The following REV3L variants were observed in gnomAD, a reference collection of about 807,000 sequenced individuals.
The protein encoded by REV3L is DNA polymerase zeta catalytic subunit.
REV3L carries 69 observed loss-of-function variants against 299.4 expected under a neutral mutation model. The observed-to-expected ratio is 0.23, with a 90% CI of 0.19 to 0.28. The LOEUF is 0.28. Ranked by LOEUF, REV3L falls within the 10% of genes least tolerant of loss-of-function variation. The probability of loss-of-function intolerance (pLI) is 1.00; values close to 1 mark genes in which losing one functional copy is unlikely to be tolerated. For synonymous variants in REV3L, 1,238 were observed against 1,271.4 expected (o/e 0.97, Z 0.56); for missense variants, 3,128 against 3,693.8 (o/e 0.85, Z 3.97).
At chr6:111,357,565 C>A (rs1374428294) in intron 17 of REV3L, among the ~76,000 whole-genome samples, 1 of 152,000 alleles carries the variant, frequency 6.6e-6, no homozygotes, top group Non-Finnish European at 1.5e-5. Context: ...TGGTGGCGGG[C>A]ACCTGTAGTC....
intron 11 of REV3L, among the ~76,000 whole-genome samples, chr6:111,379,194 C>CA (rs1780589911): frequency 1.3e-5 from 2 of 152,174 alleles, no homozygotes; most frequent in African/African-American, 2.4e-5. Context: ...TTTAACATCA[C>CA]ATCTGGAGAT....
intron 1 of REV3L, among the ~76,000 whole-genome samples, chr6:111,466,779 T>C (rs191115860): frequency 6.6e-6 from 1 of 152,158 alleles, no homozygotes; most frequent in African/African-American, 2.4e-5. Flanking sequence ...GAGATGGAGG[T>C]TGCAGTGAGC....
intron 31 of REV3L, among the ~76,000 whole-genome samples, chr6:111,305,466 A>T (rs979526901): frequency 6.6e-6 from 1 of 152,044 alleles, no homozygotes; most frequent in Non-Finnish European, 1.5e-5. Context: ...ATATGCCTGT[A>T]GTCCCAGCTA....
chr6:111,329,766 A>C, intron 24 of REV3L, 28 bp from the exon 25 acceptor site: 1 of 1,500,216 alleles, frequency 6.7e-7, no homozygotes, highest in Non-Finnish European at 9.2e-7. Flanking sequence ...AATGTTTAAA[A>C]CCCCTCAAAC....
intron 1 of REV3L, among the ~76,000 whole-genome samples, chr6:111,420,006 G>A (rs565584084): frequency 6.6e-6 from 1 of 152,008 alleles, no homozygotes; most frequent in Non-Finnish European, 1.5e-5. Context: ...CACCATGCCC[G>A]GCTAATTTTT....
At chr6:111,466,385 A>AT (rs996021125) in intron 1 of REV3L, among the ~76,000 whole-genome samples, 5 of 152,060 alleles carry the variant, frequency 3.3e-5, no homozygotes, top group African/African-American at 1.2e-4. Context: ...GACACATTAG[A>AT]TTTTTTTTAA....
intron 15 of REV3L, among the ~76,000 whole-genome samples, chr6:111,364,394 T>C (rs988965010): frequency 2.0e-5 from 3 of 152,086 alleles, no homozygotes; most frequent in Admixed American, 2.0e-4. Flanking sequence ...TACTCTAATA[T>C]AACATGTGTC....
chr6:111,307,943 AC>A (rs1315721277), intron 30 of REV3L: 13 of 240,314 alleles, frequency 5.4e-5, no homozygotes, highest in African/African-American at 2.7e-4. Context: ...CCAGCTCCCC[AC>A]CCCCCGACAG....
intron 21 of REV3L, among the ~76,000 whole-genome samples, chr6:111,337,506 A>G (rs1054721545): frequency 3.9e-5 from 6 of 152,168 alleles, no homozygotes; most frequent in Non-Finnish European, 8.8e-5. Flanking sequence ...TTTTAAAGCT[A>G]AGTCTTTATA....
chr6:111,430,623 G>T, intron 1 of REV3L: 10 of 1,526,422 alleles, frequency 6.6e-6, no homozygotes, highest in Non-Finnish European at 9.1e-6. Flanking sequence ...GCAGAGTGGG[G>T]AGGACAGAGG....
chr6:111,337,845 T>C (rs1451058031), intron 21 of REV3L, among the ~76,000 whole-genome samples: 2 of 152,078 alleles, frequency 1.3e-5, no homozygotes, highest in East Asian at 3.8e-4. Context: ...TAGAACAAAA[T>C]GGATTTAATG....
At chr6:111,314,960 C>T (rs1773365783) in intron 27 of REV3L, among the ~76,000 whole-genome samples, 1 of 151,392 alleles carries the variant, frequency 6.6e-6, no homozygotes, top group Non-Finnish European at 1.5e-5. Context: ...AAGTGGTCCT[C>T]CTACTTCAGC....
chr6:111,328,841 C>G (rs192755579), intron 25 of REV3L, among the ~76,000 whole-genome samples: 7 of 152,342 alleles, frequency 4.6e-5, no homozygotes, highest in African/African-American at 1.7e-4. Flanking sequence ...TCATGGCTCA[C>G]TGCAACCTTG....
intron 18 of REV3L, among the ~76,000 whole-genome samples, chr6:111,355,223 T>C (rs912318500): frequency 2.0e-5 from 3 of 152,196 alleles, no homozygotes; most frequent in Non-Finnish European, 2.9e-5. Flanking sequence ...TATTTATTTT[T>C]ATATTAGTAC....
rs1441249166 is a variant in REV3L, at chr6:111,329,442, T to C, written c.8241+90A>G. 39 of 1,259,074 alleles carry C rather than the reference T, an allele frequency of 3.1e-5. No homozygotes were observed. In the Admixed American group the frequency reaches 6.4e-4, roughly 21 times the overall value. 78.0% of individuals were successfully genotyped at this position (1,259,074 alleles called of 1,614,324 possible). On this transcript the variant is annotated intron_variant, in intron 25 of 31. Coordinates refer to ENST00000368802, the MANE Select transcript of REV3L (RefSeq NM_001372078.1). Reference sequence around the variant, plus strand: ...GAAGACCCCCGCACCACATCTTAGCTTCCAAAGTAACTGGGAATACAGGTG... The same window carrying C: ...GAAGACCCCCGCACCACATCTTAGCCTCCAAAGTAACTGGGAATACAGGTG...
intron 24 of REV3L, among the ~76,000 whole-genome samples, chr6:111,330,071 C>T (rs1159892045): frequency 2.6e-5 from 4 of 152,020 alleles, no homozygotes; most frequent in Non-Finnish European, 5.9e-5. Flanking sequence ...TGACAGAAAC[C>T]CCCATTCTTT....
intron 14 of REV3L, among the ~76,000 whole-genome samples, chr6:111,365,557 T>G (rs1292125386): frequency 6.6e-6 from 1 of 152,162 alleles, no homozygotes; most frequent in Non-Finnish European, 1.5e-5. Flanking sequence ...GTTTATGTTT[T>G]AATTACTGAA....
intron 1 of REV3L, among the ~76,000 whole-genome samples, chr6:111,472,595 C>T (rs1368807417): frequency 2.6e-5 from 4 of 151,028 alleles, no homozygotes; most frequent in Middle Eastern, 6.8e-3. Context: ...AAAAAAACCA[C>T]GAAATTTTCC....
intron 1 of REV3L, among the ~76,000 whole-genome samples, chr6:111,468,692 G>C (rs1420461585): frequency 1.3e-5 from 2 of 152,140 alleles, no homozygotes; most frequent in Non-Finnish European, 2.9e-5. Flanking sequence ...AACAACCTCT[G>C]TATTAGTTTT....
Sources: allele counts gnomAD v4.1 joint callset (sites outside exome capture counted in the v4.1 genomes callset), GRCh38; gene constraint gnomAD v4.1.1; transcripts MANE v1.5; gene names NCBI Gene and HGNC (gene_info 2026-07-23, HGNC 2026-07-21).